Variants in CENPW observed in about 807,000 individuals in gnomAD.
CENPW encodes the protein cancer-up-regulated gene 2 protein.
A neutral mutation model predicts 11.1 loss-of-function variants in CENPW; 3 were observed. That is an observed-to-expected ratio of 0.27 (90% CI 0.12 to 0.70). The LOEUF (loss-of-function observed/expected upper bound fraction) is 0.70, where lower values mean the gene tolerates loss of function less well. Among genes scored for constraint, CENPW ranks in the 30% least tolerant of loss-of-function variants. The probability of loss-of-function intolerance (pLI) is 0.77; values close to 1 mark genes in which losing one functional copy is unlikely to be tolerated. For synonymous variants in CENPW, 38 were observed against 42.0 expected, an observed-to-expected ratio of 0.91 and a Z score of 0.37; for missense variants, 100 against 105.6, an observed-to-expected ratio of 0.95 and a Z score of 0.23.
chr6:126,462,509 TTC>T, the CENPW span, among the ~76,000 whole-genome samples: 52,721 of 139,058 alleles, frequency 0.38, 11,639 homozygotes, highest in East Asian at 0.88. Flanking sequence ...CTTCTTTTCT[TTC>T]TCTCTCTCTC....
At chr6:126,427,362 T>C in the CENPW span, among the ~76,000 whole-genome samples, 1 of 152,204 alleles carries the variant, frequency 6.6e-6, no homozygotes, top group African/African-American at 2.4e-5. Flanking sequence ...TAGCCAAATC[T>C]CTTTGTTATG....
At chr6:126,472,527 A>G in the CENPW span, among the ~76,000 whole-genome samples, 1 of 152,228 alleles carries the variant, frequency 6.6e-6, no homozygotes, top group African/African-American at 2.4e-5. Context: ...TTTCCATTGC[A>G]TAGAAATGCC....
chr6:126,388,415 G>A, the CENPW span, among the ~76,000 whole-genome samples: 2 of 151,922 alleles, frequency 1.3e-5, no homozygotes, highest in Non-Finnish European at 2.9e-5. Flanking sequence ...TTACTGAACT[G>A]ATGGTCTCTT....
chr6:126,388,475 G>A, the CENPW span, among the ~76,000 whole-genome samples: 14 of 151,958 alleles, frequency 9.2e-5, no homozygotes, highest in Non-Finnish European at 2.1e-4. Context: ...TTTTTGAAGT[G>A]GTTCTTGTTG....
At chr6:126,365,792 T>G in the CENPW span, among the ~76,000 whole-genome samples, 1 of 152,242 alleles carries the variant, frequency 6.6e-6, no homozygotes, top group Non-Finnish European at 1.5e-5. Flanking sequence ...CACATGTTTG[T>G]TTTTGTTCTC....
chr6:126,352,193 G>C (rs1780499366), downstream of CENPW, among the ~76,000 whole-genome samples: 1 of 152,120 alleles, frequency 6.6e-6, no homozygotes. Context: ...ATCTGTGGCT[G>C]TTTTCTTACT....
the CENPW span, among the ~76,000 whole-genome samples, chr6:126,373,332 C>G: frequency 0.035 from 5,397 of 152,224 alleles, 314 homozygotes; most frequent in African/African-American, 0.12. Context: ...AAGAAGTTTA[C>G]AATTTGAACA....
chr6:126,383,471 C>A, the CENPW span, among the ~76,000 whole-genome samples: 1 of 151,992 alleles, frequency 6.6e-6, no homozygotes, highest in African/African-American at 2.4e-5. Flanking sequence ...TTGAAAGGCA[C>A]AGAGTAGAAA....
intron 1 of CENPW, among the ~76,000 whole-genome samples, chr6:126,343,226 CCTAG>C (rs750014654): frequency 2.6e-5 from 4 of 152,080 alleles, no homozygotes; most frequent in Non-Finnish European, 4.4e-5. Context: ...AGTTAGAATG[CCTAG>C]CTAAATACCC....
At chr6:126,398,752 T>A in the CENPW span, among the ~76,000 whole-genome samples, 2 of 151,816 alleles carry the variant, frequency 1.3e-5, no homozygotes, top group Admixed American at 1.3e-4. Flanking sequence ...GTAGGAATAA[T>A]CCCATAACCC....
At chr6:126,448,351 C>A in the CENPW span, among the ~76,000 whole-genome samples, 1 of 151,000 alleles carries the variant, frequency 6.6e-6, no homozygotes, top group African/African-American at 2.4e-5. Flanking sequence ...TGAAACAGAA[C>A]CTGTATTTTA....
the CENPW span, among the ~76,000 whole-genome samples, chr6:126,398,066 C>T: frequency 1.3e-5 from 2 of 152,134 alleles, no homozygotes; most frequent in Non-Finnish European, 2.9e-5. Context: ...TCCAGTTTTT[C>T]TCAGACAGTC....
At chr6:126,355,254 G>A in the CENPW span, among the ~76,000 whole-genome samples, 40 of 152,152 alleles carry the variant, frequency 2.6e-4, no homozygotes, top group African/African-American at 8.4e-4. Context: ...TTTTGTTTTT[G>A]AAATAGTTTT....
At chr6:126,432,506 A>G in the CENPW span, among the ~76,000 whole-genome samples, 1 of 151,948 alleles carries the variant, frequency 6.6e-6, no homozygotes, top group Non-Finnish European at 1.5e-5. Flanking sequence ...TTTTTTTTCC[A>G]TTCTAATTTG....
chr6:126,480,181 C>G, the CENPW span, among the ~76,000 whole-genome samples: 2,584 of 151,788 alleles, frequency 0.017, 37 homozygotes, highest in Non-Finnish European at 0.024. Flanking sequence ...TTTTTTTCTA[C>G]GCACACACAC....
the CENPW span, among the ~76,000 whole-genome samples, chr6:126,379,538 C>A: frequency 6.6e-5 from 10 of 152,066 alleles, no homozygotes; most frequent in Admixed American, 6.6e-4. Flanking sequence ...ATGCTGCTAA[C>A]CCTCTGCTTC....
chr6:126,342,257 A>T (rs1780327608), intron 1 of CENPW, among the ~76,000 whole-genome samples: 2 of 152,206 alleles, frequency 1.3e-5, no homozygotes, highest in Admixed American at 6.5e-5. Flanking sequence ...TCATGAAAAG[A>T]CCTAAGGTAA....
At chr6:126,461,757 G>A in the CENPW span, among the ~76,000 whole-genome samples, 8 of 151,990 alleles carry the variant, frequency 5.3e-5, no homozygotes, top group African/African-American at 1.9e-4. Flanking sequence ...TTTGATGTAT[G>A]TTGTAAGTAA....
At chr6:126,423,729 G>T in the CENPW span, among the ~76,000 whole-genome samples, 34 of 151,886 alleles carry the variant, frequency 2.2e-4, no homozygotes, top group Non-Finnish European at 3.7e-4. Flanking sequence ...TTGGTAAAAG[G>T]CAAAATGTAT....
Sources: gnomAD v4.1 joint callset for allele counts (sites outside exome capture counted in the v4.1 genomes callset) on GRCh38, gnomAD v4.1.1 for gene constraint, MANE v1.5 for transcripts, NCBI Gene and HGNC (gene_info 2026-07-23, HGNC 2026-07-21) for gene names.